Variants in HESX1 observed in about 807,000 individuals in gnomAD.
HESX1 encodes HESX homeobox 1.
HESX1 carries 11 observed loss-of-function variants against 22.5 expected under a neutral mutation model. The ratio of observed to expected loss-of-function variants is 0.49; its 90% CI spans 0.31 to 0.81. The LOEUF (loss-of-function observed/expected upper bound fraction) is 0.81. HESX1 is among the 30% of genes least tolerant of loss of function. The pLI is 0.05. For synonymous variants in HESX1, 74 were observed against 76.5 expected (o/e 0.97, Z 0.17); for missense variants, 201 against 212.6 (o/e 0.95, Z 0.34).
chr3:57,202,573 G>T (rs556471408), upstream of HESX1, among the ~76,000 whole-genome samples: 4 of 152,286 alleles, frequency 2.6e-5, no homozygotes, highest in East Asian at 7.7e-4. Context: ...TTGACCTCAA[G>T]TGATCCACCT....
chr3:57,212,326 T>C (rs9849773), intron 1 of HESX1, among the ~76,000 whole-genome samples: 71,670 of 151,680 alleles, frequency 0.47, 17,691 homozygotes, highest in East Asian at 0.92. Context: ...TTTGGGAGGC[T>C]GAGGTGGGTG....
intron 1 of HESX1, among the ~76,000 whole-genome samples, chr3:57,211,546 A>AAAAAAAG (rs2060554051): frequency 6.8e-6 from 1 of 147,168 alleles, no homozygotes; most frequent in Non-Finnish European, 1.5e-5. Context: ...AAAAAAAAAA[A>AAAAAAAG]AAAAAGCCAG....
At chr3:57,213,119 C>A (rs1433961777) in intron 1 of HESX1, among the ~76,000 whole-genome samples, 1 of 152,078 alleles carries the variant, frequency 6.6e-6, no homozygotes, top group Non-Finnish European at 1.5e-5. Context: ...CTGCTTGGCA[C>A]TACAAGTGGA....
intron 1 of HESX1, among the ~76,000 whole-genome samples, chr3:57,206,972 G>C (rs1209600213): frequency 6.7e-6 from 1 of 149,012 alleles, no homozygotes; most frequent in East Asian, 2.0e-4. Context: ...TTTTTTTTTT[G>C]AGTTTCAGTC....
At chr3:57,212,103 A>G (rs1417287395) in intron 1 of HESX1, among the ~76,000 whole-genome samples, 1 of 152,196 alleles carries the variant, frequency 6.6e-6, no homozygotes, top group Non-Finnish European at 1.5e-5. Flanking sequence ...AAAGTATTTC[A>G]GCCTTTGCTC....
chr3:57,198,246 G>C lies in HESX1; in HGVS notation c.509C>G (p.Ser170Ter). ...RAKLKRSHRE[S>*]QFLMAKKNFN... Reference sequence around the variant, plus strand: ...ATTTTTTTTCGCCATTAGAAACTGTGATTCTCTATGGGACCTTTTCAGTTT... The same window carrying C: ...ATTTTTTTTCGCCATTAGAAACTGTCATTCTCTATGGGACCTTTTCAGTTT... The change falls in exon 4 of 4, where the codon TCA (serine) becomes TGA (stop). Residue 170 changes from serine (S) to a stop codon, truncating the protein, a stop_gained. Transcript: ENST00000295934. LOFTEE classifies it high-confidence loss of function. 1.2e-6 allele frequency: 2 copies of C among 1,613,138 alleles called. No individual in the cohort carries two copies. The highest frequency in any genetic ancestry group is 2.2e-5 in the East Asian group (1 of 44,736).
chr3:57,219,799 C>T (rs1334675603), intron 1 of HESX1, among the ~76,000 whole-genome samples: 1 of 152,142 alleles, frequency 6.6e-6, no homozygotes, highest in Non-Finnish European at 1.5e-5. Flanking sequence ...TGTCTGTTTA[C>T]TCTGTTGATA....
chr3:57,199,550 C>T (rs1289539407), intron 1 of HESX1, among the ~76,000 whole-genome samples: 1 of 151,070 alleles, frequency 6.6e-6, no homozygotes, highest in African/African-American at 2.4e-5. Context: ...ACCCAGGAGG[C>T]GGAGGCTGCA....
upstream of HESX1, among the ~76,000 whole-genome samples, chr3:57,201,241 A>T (rs115151954): frequency 4.0e-3 from 613 of 152,302 alleles, 3 homozygotes; most frequent in African/African-American, 0.014. Context: ...TAAATAAAGG[A>T]TCTCACATGC....
At chr3:57,209,746 C>A (rs1256544308) in intron 1 of HESX1, among the ~76,000 whole-genome samples, 3 of 150,776 alleles carry the variant, frequency 2.0e-5, no homozygotes, top group African/African-American at 7.3e-5. Context: ...TTTGTTCTGA[C>A]ATAAGAACAG....
Position 57,199,912 on chromosome 3 carries a change from G to C in HESX1, c.7C>G (p.Pro3Ala), listed in dbSNP as rs2060474876. ...AGCTGAGCGCCTTCCTGAAGGCTGGGAGACATCCTCTCGTGGTCTGCACAG... is the reference window on the plus strand; with the variant it reads ...AGCTGAGCGCCTTCCTGAAGGCTGGCAGACATCCTCTCGTGGTCTGCACAG... MS[P>A]SLQEGAQLGE... Residue 3 changes from proline to alanine, a missense_variant, in exon 1 of 4, where the codon CCC becomes GCC. Transcript: ENST00000295934. 2 of 1,613,860 alleles carry C rather than the reference G, an allele frequency of 1.2e-6. No homozygotes were observed. The highest frequency in any genetic ancestry group is 1.7e-6 in the Non-Finnish European group (2 of 1,179,896).
At chr3:57,217,792 T>G (rs2060590762) in intron 1 of HESX1, among the ~76,000 whole-genome samples, 1 of 152,112 alleles carries the variant, frequency 6.6e-6, no homozygotes, top group African/African-American at 2.4e-5. Flanking sequence ...TGCACTCTCA[T>G]GCAGGTGCCC....
chr3:57,213,992 C>T (rs1421911218), intron 1 of HESX1, among the ~76,000 whole-genome samples: 1 of 152,156 alleles, frequency 6.6e-6, no homozygotes, highest in East Asian at 1.9e-4. Flanking sequence ...TCAGGGAGTG[C>T]ACTAGGACTC....
intron 1 of HESX1, among the ~76,000 whole-genome samples, chr3:57,216,548 G>A (rs974757719): frequency 5.3e-5 from 8 of 152,280 alleles, no homozygotes; most frequent in Middle Eastern, 3.4e-3. Flanking sequence ...GGAGGTCGAG[G>A]CTGCAGTGAG....
chr3:57,209,373 CA>C (rs1186504313), intron 1 of HESX1, among the ~76,000 whole-genome samples: 1 of 151,994 alleles, frequency 6.6e-6, no homozygotes, highest in African/African-American at 2.4e-5. Context: ...AGGCCGGGCG[CA>C]GTGGCTCATG....
At chr3:57,205,180 C>A (rs2060512910) in intron 1 of HESX1, among the ~76,000 whole-genome samples, 1 of 152,012 alleles carries the variant, frequency 6.6e-6, no homozygotes, top group African/African-American at 2.4e-5. Flanking sequence ...AGGCTGAGGG[C>A]AGAGGATCAC....
intron 1 of HESX1, among the ~76,000 whole-genome samples, chr3:57,213,212 T>C (rs1205891614): frequency 6.6e-6 from 1 of 152,178 alleles, no homozygotes; most frequent in East Asian, 1.9e-4. Flanking sequence ...ATTTTGGCAA[T>C]GAACATCCTC....
chr3:57,219,993 A>G (rs2060605801), intron 1 of HESX1, among the ~76,000 whole-genome samples: 1 of 152,186 alleles, frequency 6.6e-6, no homozygotes, highest in Admixed American at 6.5e-5. Flanking sequence ...TAAGTCTTCA[A>G]TCCATCTTTA....
rs969330891 is a variant in HESX1 at position 57,210,684 on chromosome 3, C to T, written c.-110-10656G>A. Among the ~76,000 whole-genome samples, 3 of 152,190 alleles carry T rather than the reference C, an allele frequency of 2.0e-5. No homozygotes were observed. The East Asian group carries it at 5.8e-4, about 29-fold the overall frequency. On this transcript the variant is annotated intron_variant, in intron 1 of 2. Coordinates refer to the HESX1 transcript ENST00000495160. ...TAAGTGAATTAAATGGATGGATGGA[C>T]AGATGGGACTAGCAAGATGTGACAT...
Sources: allele counts gnomAD v4.1 joint callset (sites outside exome capture counted in the v4.1 genomes callset), GRCh38; gene constraint gnomAD v4.1.1; transcripts MANE v1.5; gene names NCBI Gene and HGNC (gene_info 2026-07-23, HGNC 2026-07-21).